IL13RA1: variants seen among roughly 807,000 people sequenced by gnomAD.
The protein encoded by IL13RA1 is interleukin-13 receptor subunit alpha-1.
In IL13RA1, 14 loss-of-function variants were observed where a neutral mutation model predicts 33.8. That is an observed-to-expected ratio of 0.41 (90% CI 0.27 to 0.65). IL13RA1 has a LOEUF of 0.65. IL13RA1 is among the 30% of genes least tolerant of loss of function. The pLI is 0.28. For missense variants in IL13RA1, 313 were observed against 327.0 expected (o/e 0.96, Z 0.33); for synonymous variants, 116 against 115.7 (o/e 1.00, Z -0.02).
At chrX:118,780,920 T>G (rs767028504) in intron 10 of IL13RA1, among the ~76,000 whole-genome samples, 1 of 112,477 alleles carries the variant, frequency 8.9e-6, no homozygotes, top group East Asian at 2.8e-4. Flanking sequence ...AAACACTGTC[T>G]TCTTCCACAC....
At chrX:118,760,107 T>G (rs2017575176) in intron 5 of IL13RA1, among the ~76,000 whole-genome samples, 1 of 112,085 alleles carries the variant, frequency 8.9e-6, no homozygotes, top group African/African-American at 3.2e-5. Flanking sequence ...AAGTGTACAG[T>G]TCGGTAGTGT....
the IL13RA1 span, among the ~76,000 whole-genome samples, chrX:118,801,259 A>G: frequency 1.3e-4 from 15 of 112,338 alleles, no homozygotes; most frequent in African/African-American, 4.5e-4. Flanking sequence ...TCTGATTTCT[A>G]ATTTTCTACA....
At chrX:118,800,171 G>A in the IL13RA1 span, among the ~76,000 whole-genome samples, 2 of 111,153 alleles carry the variant, frequency 1.8e-5, no homozygotes, top group African/African-American at 6.6e-5. Context: ...ACCAATAAGT[G>A]CCCTGACAAA....
At chrX:118,781,631 C>T (rs1275863199) in intron 10 of IL13RA1, among the ~76,000 whole-genome samples, 2 of 112,851 alleles carry the variant, frequency 1.8e-5, no homozygotes, top group African/African-American at 6.4e-5. Context: ...GGATTACAGG[C>T]GTGAGCCACC....
chrX:118,795,237 G>GA (rs1168591911), downstream of IL13RA1, among the ~76,000 whole-genome samples: 3 of 94,111 alleles, frequency 3.2e-5, no homozygotes, highest in East Asian at 3.3e-4. Context: ...AAAAGAAAAA[G>GA]AAAAAAAAAT....
At chrX:118,796,452 G>A (rs1019605796), downstream of IL13RA1, among the ~76,000 whole-genome samples, 4 of 112,438 alleles carry the variant, frequency 3.6e-5, no homozygotes, top group East Asian at 2.8e-4. Flanking sequence ...ATCTTATTTC[G>A]CATTTTGCCA....
chrX:118,736,835 GC>G (rs1201790483), intron 1 of IL13RA1, among the ~76,000 whole-genome samples: 1 of 112,578 alleles, frequency 8.9e-6, no homozygotes, highest in Non-Finnish European at 1.9e-5. Flanking sequence ...TGTTGCCAGG[GC>G]TGATCTTTAA....
chrX:118,743,818 G>A (rs896501035), intron 2 of IL13RA1, among the ~76,000 whole-genome samples: 1 of 111,716 alleles, frequency 9.0e-6, no homozygotes, highest in African/African-American at 3.3e-5. Flanking sequence ...AAAGCCAAAA[G>A]TCACATGGGA....
chrX:118,801,722 G>T, the IL13RA1 span, among the ~76,000 whole-genome samples: 2 of 112,257 alleles, frequency 1.8e-5, no homozygotes, highest in African/African-American at 6.5e-5. Context: ...ATAAATGGTA[G>T]TTGTGGTTGC....
the IL13RA1 span, among the ~76,000 whole-genome samples, chrX:118,802,650 G>A: frequency 1.8e-5 from 2 of 111,970 alleles, no homozygotes; most frequent in Non-Finnish European, 3.8e-5. Flanking sequence ...CAATAAAATA[G>A]TAACTTTTGA....
chrX:118,800,273 C>A, the IL13RA1 span, among the ~76,000 whole-genome samples: 1 of 110,267 alleles, frequency 9.1e-6, no homozygotes, highest in Non-Finnish European at 1.9e-5. Flanking sequence ...TGGCGACCCG[C>A]GCGGGTCCCC....
Position 118,776,442 on chromosome X carries a change from A to AT in IL13RA1, c.1124dup (p.Pro377SerfsTer4). On this transcript the variant is annotated frameshift_variant, in exon 10 of 11. Transcript: ENST00000371666. LOFTEE classifies it high-confidence loss of function. ...TTTCTTAAAGGCTCAAGATTATTAT[A>AT]TTCCCTCCAATTCCTGATCCTGGCA... The AT allele has an allele frequency of 1.1e-6, 1 of 952,339 alleles. No individual in the cohort carries two copies. The highest frequency in any genetic ancestry group is 1.5e-6 in the Non-Finnish European group (1 of 664,922). 78.5% of individuals were successfully genotyped at this position (952,339 alleles called of 1,213,427 possible). A position where few individuals can be genotyped will look rare whatever the true frequency, so the allele number is the denominator to read the frequency against.
intron 3 of IL13RA1, among the ~76,000 whole-genome samples, chrX:118,748,200 A>G (rs1279392190): frequency 9.7e-6 from 1 of 103,138 alleles, no homozygotes; most frequent in East Asian, 2.9e-4. Flanking sequence ...CTTAACCTCC[A>G]GTCCTTAGCT....
At chrX:118,750,853 C>T (rs1331242703) in intron 4 of IL13RA1, among the ~76,000 whole-genome samples, 1 of 111,444 alleles carries the variant, frequency 9.0e-6, no homozygotes, top group Non-Finnish European at 1.9e-5. Context: ...GTCACCCAGG[C>T]TAGAGTGCAG....
In IL13RA1 at chrX:118,770,074, C is replaced by G. The variant is rs1313515177; in HGVS notation, c.1009+3098C>G. ...TGCCACTGCCCATCTGCTCATGCGC[C>G]TGGTACTTCTCACTGCCTGAGCTCT... On this transcript the variant is annotated intron_variant, in intron 8 of 10. Coordinates refer to ENST00000371666, the MANE Select transcript of IL13RA1 (RefSeq NM_001560.3). 1.2e-5 allele frequency: 3 copies of G among 256,055 alleles called. No homozygotes were observed. The East Asian group carries it at 3.2e-4, about 28-fold the overall frequency. 21.1% of individuals were successfully genotyped at this position (256,055 alleles called of 1,213,427 possible). A position where few individuals can be genotyped will look rare whatever the true frequency, so the allele number is the denominator to read the frequency against.
intron 8 of IL13RA1, among the ~76,000 whole-genome samples, chrX:118,773,542 A>T (rs1160350547): frequency 1.8e-5 from 2 of 112,036 alleles, no homozygotes; most frequent in Non-Finnish European, 3.8e-5. Flanking sequence ...AATTTAAGGG[A>T]TTCTGATCCA....
the IL13RA1 span, among the ~76,000 whole-genome samples, chrX:118,801,134 A>G: frequency 2.7e-5 from 3 of 112,601 alleles, no homozygotes; most frequent in Non-Finnish European, 5.6e-5. Context: ...TATAATCTTC[A>G]CACATGATTA....
chrX:118,739,981 C>G (rs1454011450), intron 1 of IL13RA1, among the ~76,000 whole-genome samples: 2 of 112,128 alleles, frequency 1.8e-5, no homozygotes, highest in Non-Finnish European at 3.8e-5. Flanking sequence ...TGCTCCGTCA[C>G]CCAGGCTAGA....
chrX:118,799,200 G>C (rs1270168139), downstream of IL13RA1, among the ~76,000 whole-genome samples: 1 of 113,380 alleles, frequency 8.8e-6, no homozygotes, highest in Non-Finnish European at 1.9e-5. Context: ...CCGCGGGGCA[G>C]GGCTCGGGAC....
Sources: gnomAD v4.1 joint callset for allele counts (sites outside exome capture counted in the v4.1 genomes callset) on GRCh38, gnomAD v4.1.1 for gene constraint, MANE v1.5 for transcripts, NCBI Gene and HGNC (gene_info 2026-07-23, HGNC 2026-07-21) for gene names.